Variants in UNC5D observed in about 807,000 individuals in gnomAD.
UNC5D encodes the protein netrin receptor UNC5D.
UNC5D carries 39 observed loss-of-function variants against 105.4 expected under a neutral mutation model. That is an observed-to-expected ratio of 0.37 (90% confidence interval 0.29 to 0.48). The LOEUF (loss-of-function observed/expected upper bound fraction) is 0.48. UNC5D is among the 20% of genes least tolerant of loss of function. The probability of loss-of-function intolerance (pLI) is 0.98; values close to 1 mark genes in which losing one functional copy is unlikely to be tolerated. For synonymous variants in UNC5D, 452 were observed against 450.4 expected (o/e 1.00, Z -0.04); for missense variants, 991 against 1,202.4 (o/e 0.82, Z 2.60).
chr8:35,443,923 C>T (rs1807603574), intron 1 of UNC5D, among the ~76,000 whole-genome samples: 1 of 151,782 alleles, frequency 6.6e-6, no homozygotes, highest in Non-Finnish European at 1.5e-5. Flanking sequence ...AAGAAAGGGT[C>T]ACTTTCTTCA....
At chr8:35,400,622 C>T (rs1804398648) in intron 1 of UNC5D, among the ~76,000 whole-genome samples, 1 of 152,118 alleles carries the variant, frequency 6.6e-6, no homozygotes, top group Admixed American at 6.6e-5. Context: ...AACAAATATA[C>T]CAGCATGTTT....
Position 35,334,005 on chromosome 8 carries a change from A to G in UNC5D, c.103+98118A>G, listed in dbSNP as rs1810832644. On this transcript the variant is annotated intron_variant, in intron 1 of 16. Transcript: ENST00000404895. ...TCAATAAAAATGACTCCAACAGAGC[A>G]TTTTACTCTGTAGGAAATGTGGCAG... Among the ~76,000 whole-genome samples the G allele has an allele frequency of 1.3e-5, 2 of 152,172 alleles. 1 individual carries two copies. Among genetic ancestry groups the G allele is most frequent in the South Asian group, 4.1e-4 (2 of 4,836 alleles).
chr8:35,567,668 G>A (rs1437758547), intron 2 of UNC5D, among the ~76,000 whole-genome samples: 1 of 152,102 alleles, frequency 6.6e-6, no homozygotes, highest in Non-Finnish European at 1.5e-5. Context: ...AAGCCAGACT[G>A]TTACAATGAC....
intron 1 of UNC5D, among the ~76,000 whole-genome samples, chr8:35,401,313 G>A (rs989312619): frequency 4.6e-5 from 7 of 151,948 alleles, no homozygotes; most frequent in African/African-American, 7.2e-5. Context: ...ATGAAATCCC[G>A]TCTCTACTAA....
rs73672232 is a variant in UNC5D, at chr8:35,402,051, C to T, written c.104-147241C>T. ...TCTGTGCATGATTGTTTTTCTGCTC[C>T]GTGTGGATCACTGAAAGGCCCTGCA... On this transcript the variant is annotated intron_variant, in intron 1 of 16. Coordinates refer to ENST00000404895, the MANE Select transcript of UNC5D (RefSeq NM_080872.4). Among the ~76,000 whole-genome samples the T allele has an allele frequency of 7.0e-3, 1,068 of 152,232 alleles. 6 individuals are homozygous for T. The highest frequency in any genetic ancestry group is 0.024 in the African/African-American group (1,011 of 41,532).
intron 1 of UNC5D, among the ~76,000 whole-genome samples, chr8:35,327,840 C>T (rs562977057): frequency 2.0e-5 from 3 of 152,292 alleles, no homozygotes; most frequent in South Asian, 2.1e-4. Context: ...TTATCAGAAG[C>T]GTGAACCCAG....
At chr8:35,454,114 T>G (rs1808336999) in intron 1 of UNC5D, among the ~76,000 whole-genome samples, 1 of 152,170 alleles carries the variant, frequency 6.6e-6, no homozygotes, top group Non-Finnish European at 1.5e-5. Flanking sequence ...CCTGACAGAC[T>G]TTCCCTCTTT....
At chr8:35,764,577 A>T (rs1435109920) in intron 14 of UNC5D, among the ~76,000 whole-genome samples, 1 of 152,244 alleles carries the variant, frequency 6.6e-6, no homozygotes, top group African/African-American at 2.4e-5. Context: ...AAAATGACTT[A>T]CTGTAGGCAT....
At position 35,629,557 on chromosome 8, in the gene UNC5D, G is replaced by C. The variant is rs140312188; in HGVS notation, c.570+33900G>C. Among the ~76,000 whole-genome samples, 4 of 152,224 alleles carry C rather than the reference G, an allele frequency of 2.6e-5. No individual in the cohort carries two copies. The East Asian group carries it at 7.7e-4, about 29-fold the overall frequency. On this transcript the variant is annotated intron_variant, in intron 4 of 16. Coordinates refer to ENST00000404895, the MANE Select transcript of UNC5D (RefSeq NM_080872.4). ...AGGACTCCAAAATGGGGGTAGGAGA[G>C]GGGAGGGAGTGTTGAAAAATAATCG...
chr8:35,452,517 G>A (rs893388108), intron 1 of UNC5D, among the ~76,000 whole-genome samples: 41 of 152,164 alleles, frequency 2.7e-4, no homozygotes, highest in African/African-American at 7.9e-4. Flanking sequence ...ACCCACCTCA[G>A]CCTCCCAAAG....
intron 14 of UNC5D, among the ~76,000 whole-genome samples, chr8:35,763,357 A>G (rs1341918007): frequency 2.0e-5 from 3 of 151,274 alleles, no homozygotes; most frequent in South Asian, 2.1e-4. Context: ...TTACTCTTTT[A>G]TATTTCTTCC....
At chr8:35,432,809 G>A (rs374591180) in intron 1 of UNC5D, among the ~76,000 whole-genome samples, 1 of 152,160 alleles carries the variant, frequency 6.6e-6, no homozygotes, top group Non-Finnish European at 1.5e-5. Flanking sequence ...TGACTGTCCT[G>A]CCGGAGTACT....
chr8:35,245,264 G>A (rs1294471765), intron 1 of UNC5D, among the ~76,000 whole-genome samples: 1 of 152,038 alleles, frequency 6.6e-6, no homozygotes, highest in Non-Finnish European at 1.5e-5. Context: ...ATTAAGAAGT[G>A]TCTAGCCTGT....
chr8:35,306,571 C>T (rs886085784), intron 1 of UNC5D, among the ~76,000 whole-genome samples: 3 of 152,006 alleles, frequency 2.0e-5, no homozygotes, highest in South Asian at 2.1e-4. Flanking sequence ...ATTTTTGTCT[C>T]GAAATCTTTA....
At chr8:35,692,415 C>T (rs1826470434) in intron 7 of UNC5D, among the ~76,000 whole-genome samples, 1 of 152,148 alleles carries the variant, frequency 6.6e-6, no homozygotes, top group Non-Finnish European at 1.5e-5. Context: ...GAGTTCCTTC[C>T]CTGTATTTCC....
chr8:35,483,904 T>G (rs891190627), intron 1 of UNC5D, among the ~76,000 whole-genome samples: 6 of 152,230 alleles, frequency 3.9e-5, no homozygotes, highest in African/African-American at 1.4e-4. Flanking sequence ...ATTAGAAGCT[T>G]AGAATGTGGT....
intron 4 of UNC5D, among the ~76,000 whole-genome samples, chr8:35,621,310 G>C (rs1586270450): frequency 6.6e-6 from 1 of 152,148 alleles, no homozygotes; most frequent in East Asian, 1.9e-4. Context: ...TCACAGTGTA[G>C]GGAGTGAGTA....
chr8:35,461,134 C>T lies in UNC5D; in HGVS notation c.104-88158C>T, dbSNP rs115360718. Among the ~76,000 whole-genome samples the T allele has an allele frequency of 3.4e-3, 514 of 152,252 alleles. 4 individuals are homozygous for T. The highest frequency in any genetic ancestry group is 0.011 in the African/African-American group (476 of 41,546). ...AAGGAAGGCTCCAATATTGCTGATG[C>T]GGGATGTTAGCTACCTGGGTAGTTA... On this transcript the variant is annotated intron_variant, in intron 1 of 16. Transcript: ENST00000404895.
chr8:35,726,799 TC>T, intron 10 of UNC5D: 1 of 481,498 alleles, frequency 2.1e-6, no homozygotes. Flanking sequence ...GTTTGGGTAG[TC>T]CCCAGGCTTT....
Sources: allele counts gnomAD v4.1 joint callset (sites outside exome capture counted in the v4.1 genomes callset), GRCh38; gene constraint gnomAD v4.1.1; transcripts MANE v1.5; gene names NCBI Gene and HGNC (gene_info 2026-07-23, HGNC 2026-07-21).